The following GHR variants were observed in gnomAD, a reference collection of about 807,000 sequenced individuals.
GHR encodes growth hormone receptor.
Under a neutral mutation model 67.1 loss-of-function variants are expected in GHR, and 35 were observed. The ratio of observed to expected loss-of-function variants is 0.52; its 90% CI spans 0.40 to 0.69. GHR has a LOEUF of 0.69. GHR is among the 30% of genes least tolerant of loss of function. The pLI is 0.00. For missense variants in GHR, 792 were observed against 764.6 expected (o/e 1.04, Z -0.42); for synonymous variants, 272 against 269.1 (o/e 1.01, Z -0.10).
At chr5:42,652,416 T>G (rs1318845442) in intron 3 of GHR, among the ~76,000 whole-genome samples, 1 of 152,294 alleles carries the variant, frequency 6.6e-6, no homozygotes, top group East Asian at 1.9e-4. Context: ...TGACCTGAAG[T>G]GGCTTTTAGT....
chr5:42,616,067 T>C (rs1753132500), intron 2 of GHR, among the ~76,000 whole-genome samples: 1 of 152,062 alleles, frequency 6.6e-6, no homozygotes. Flanking sequence ...TGTGATCATA[T>C]TTACCACTTG....
intron 1 of GHR, among the ~76,000 whole-genome samples, chr5:42,449,271 GA>G (rs768864117): frequency 2.6e-5 from 4 of 152,112 alleles, no homozygotes; most frequent in Non-Finnish European, 4.4e-5. Context: ...ACAAGTGTGG[GA>G]TGTGTTTCCA....
chr5:42,448,584 A>ATTG (rs1308541160), intron 1 of GHR, among the ~76,000 whole-genome samples: 3 of 133,562 alleles, frequency 2.2e-5, no homozygotes, highest in Non-Finnish European at 4.5e-5. Context: ...TATTATTATT[A>ATTG]TTATTATTAT....
chr5:42,575,058 A>G (rs922692289), intron 2 of GHR, among the ~76,000 whole-genome samples: 14 of 152,184 alleles, frequency 9.2e-5, no homozygotes, highest in East Asian at 1.9e-4. Flanking sequence ...TACTTATCCT[A>G]TTCTTGACTA....
At position 42,462,682 on chromosome 5, in the gene GHR, C is replaced by A. The variant is rs552570681; in HGVS notation, c.-12+38727C>A. Among the ~76,000 whole-genome samples, 61 of 150,306 alleles carry A rather than the reference C, an allele frequency of 4.1e-4. 1 individual carries two copies. The highest frequency in any genetic ancestry group is 1.5e-3 in the African/African-American group (60 of 40,652). ...AGCCTTTGTTTTAGATATTTGAAAA[C>A]AAAATGTGTGTGTGCGTGTGCTTTT... On this transcript the variant is annotated intron_variant, in intron 1 of 9. Transcript: ENST00000230882.
At chr5:42,583,380 G>A (rs1041707565) in intron 2 of GHR, among the ~76,000 whole-genome samples, 2 of 79,188 alleles carry the variant, frequency 2.5e-5, no homozygotes, top group Non-Finnish European at 5.3e-5. Context: ...ATTACTTTGC[G>A]TTCCACCTTG....
intron 1 of GHR, among the ~76,000 whole-genome samples, chr5:42,529,485 CATT>C (rs752013492): frequency 6.6e-6 from 1 of 152,154 alleles, no homozygotes; most frequent in Non-Finnish European, 1.5e-5. Flanking sequence ...ATGGTCACCT[CATT>C]ATTATATGAC....
intron 1 of GHR, among the ~76,000 whole-genome samples, chr5:42,564,681 C>T (rs1749825040): frequency 6.6e-6 from 1 of 152,148 alleles, no homozygotes; most frequent in Non-Finnish European, 1.5e-5. Context: ...ACAGCCATTG[C>T]CGGGGGCCAC....
chr5:42,508,889 A>T (rs1038115051), intron 1 of GHR, among the ~76,000 whole-genome samples: 15 of 152,124 alleles, frequency 9.9e-5, no homozygotes, highest in Non-Finnish European at 2.1e-4. Flanking sequence ...TTTGTGTTTG[A>T]TGTCACTGTT....
chr5:42,579,789 T>A (rs923478486), intron 2 of GHR, among the ~76,000 whole-genome samples: 1 of 152,228 alleles, frequency 6.6e-6, no homozygotes, highest in Non-Finnish European at 1.5e-5. Flanking sequence ...ATTTCATCAG[T>A]CTTAAAACCT....
chr5:42,628,928 G>T lies in GHR; in HGVS notation c.71-110G>T. ...CTGGAGTCCCCTTGGCCAAGAAGGG[G>T]TCCATTCGGTTGGTTTGGGAAGCTG... On this transcript the variant is annotated intron_variant, in intron 2 of 9. Transcript: ENST00000230882. 3 of 695,174 alleles carry T rather than the reference G, an allele frequency of 4.3e-6. 1 individual carries two copies. Among genetic ancestry groups the T allele is most frequent in the East Asian group, 2.7e-5 (1 of 37,336 alleles). The allele number at this position is 695,174 out of a possible 1,614,324, so 43.1% of individuals were successfully genotyped here.
intron 2 of GHR, among the ~76,000 whole-genome samples, chr5:42,598,101 G>T (rs1752174429): frequency 6.6e-6 from 1 of 152,188 alleles, no homozygotes; most frequent in Non-Finnish European, 1.5e-5. Context: ...CAGTGAGGTG[G>T]AAGGGGAAAG....
At position 42,694,980 on chromosome 5, in the gene GHR, C is replaced by T. The variant is rs770546295; in HGVS notation, c.330C>T (p.Asn110=). The change falls in exon 5 of 10, where the codon AAC becomes AAT. Residue 110 remains asparagine (N), a synonymous_variant. Transcript: ENST00000230882. The stretch of plus-strand genomic sequence containing the variant: ...CTGATTATGTTTCTGCTGGGGAAAA[C>T]AGCTGTTACTTTAATTCATCGTTTA... The part of the protein sequence containing the change: ...ECPDYVSAGE[N]SCYFNSSFTS... 1 of 1,611,298 alleles carries T rather than the reference C, an allele frequency of 6.2e-7. No homozygotes were observed. The highest frequency in any genetic ancestry group is 8.5e-7 in the Non-Finnish European group (1 of 1,177,710).
At chr5:42,552,835 T>C (rs1191975012) in intron 1 of GHR, among the ~76,000 whole-genome samples, 1 of 152,176 alleles carries the variant, frequency 6.6e-6, no homozygotes, top group Non-Finnish European at 1.5e-5. Flanking sequence ...TGAGAAATTA[T>C]TGCACCTGTC....
At chr5:42,474,261 A>AGAC (rs1561325244) in intron 1 of GHR, among the ~76,000 whole-genome samples, 2 of 102,208 alleles carry the variant, frequency 2.0e-5, no homozygotes, top group African/African-American at 8.8e-5. Context: ...GACAGACAGA[A>AGAC]AGAAAGAAAG....
chr5:42,647,801 G>A (rs1008105790), intron 3 of GHR: 10 of 360,204 alleles, frequency 2.8e-5, no homozygotes, highest in Middle Eastern at 1.1e-3. Context: ...TCTTACGTAT[G>A]TATACCAAAT....
chr5:42,648,692 C>G lies in GHR; in HGVS notation c.136+19589C>G, dbSNP rs549737442. 5.3e-5 allele frequency among the ~76,000 whole-genome samples: 8 copies of G among 149,818 alleles called. No individual in the cohort carries two copies. The South Asian group carries it at 8.4e-4, about 16-fold the overall frequency. On this transcript the variant is annotated intron_variant, in intron 3 of 9. Transcript: ENST00000230882. Reference sequence around the variant, plus strand: ...ATAAGTAATAGTACTACTACTAGTACTAGTAGTAGTAGTAGTAGTAGTGGT... The same window carrying G: ...ATAAGTAATAGTACTACTACTAGTAGTAGTAGTAGTAGTAGTAGTAGTGGT...
At chr5:42,635,645 G>C (rs1285986293) in intron 3 of GHR, among the ~76,000 whole-genome samples, 1 of 152,036 alleles carries the variant, frequency 6.6e-6, no homozygotes, top group Non-Finnish European at 1.5e-5. Flanking sequence ...GAAATATTTG[G>C]TCTTAACTTT....
At chr5:42,468,735 G>A in intron 1 of GHR, 1 of 996,900 alleles carries the variant, frequency 1.0e-6, no homozygotes. Context: ...CAGAGACGCC[G>A]CCCCCGCCAG....
Sources: gnomAD v4.1 joint callset for allele counts (sites outside exome capture counted in the v4.1 genomes callset) on GRCh38, gnomAD v4.1.1 for gene constraint, MANE v1.5 for transcripts, NCBI Gene and HGNC (gene_info 2026-07-23, HGNC 2026-07-21) for gene names.